COL21A1: variants seen among roughly 807,000 people sequenced by gnomAD.
COL21A1 encodes the protein collagen alpha-1(XXI) chain.
Under a neutral mutation model 137.9 loss-of-function variants are expected in COL21A1, and 149 were observed. The ratio of observed to expected loss-of-function variants is 1.08; its 90% CI spans 0.95 to 1.24. The LOEUF is 1.24. Ranked by LOEUF, COL21A1 falls within the 50% of genes most tolerant of loss-of-function variation. The pLI is 0.00. For missense variants in COL21A1, 1,167 were observed against 1,158.4 expected, an observed-to-expected ratio of 1.01 and a Z score of -0.11; for synonymous variants, 456 against 391.5, an observed-to-expected ratio of 1.16 and a Z score of -1.95.
In COL21A1 at chr6:56,178,788, TATAAAC is replaced by T. The variant is rs1365952797; in HGVS notation, c.640+784_640+789del. On this transcript the variant is annotated intron_variant, in intron 3 of 29. Transcript: ENST00000244728. ...CATGAAGTTAGATTTTATGAAATGA[TATAAAC>T]ATAATTAATAAACTGTTATTTTCAA... Among the ~76,000 whole-genome samples, 18 of 152,240 alleles carry T rather than the reference TATAAAC, an allele frequency of 1.2e-4. No homozygotes were observed. In the South Asian group the frequency reaches 3.5e-3, roughly 30 times the overall value.
chr6:56,198,050 A>C (rs1779146618), intron 1 of COL21A1, among the ~76,000 whole-genome samples: 1 of 152,146 alleles, frequency 6.6e-6, no homozygotes, highest in Admixed American at 6.6e-5. Flanking sequence ...TTACAAAAAA[A>C]GGAAATCCTC....
At chr6:56,097,917 A>ATAAATATATAAATATATAAATATATG (rs1457963803) in intron 17 of COL21A1, among the ~76,000 whole-genome samples, 804 of 26,444 alleles carry the variant, frequency 0.03, 25 homozygotes, top group African/African-American at 0.077. Flanking sequence ...ATAAATATAT[A>ATAAATATATAAATATATAAATATATG]TAAATATATA....
At chr6:56,251,415 C>T (rs1046582017), upstream of COL21A1, among the ~76,000 whole-genome samples, 1 of 152,058 alleles carries the variant, frequency 6.6e-6, no homozygotes, top group Non-Finnish European at 1.5e-5. Context: ...AAATATTTAT[C>T]GAATGAATAC....
At chr6:56,124,625 A>ATTT (rs376945703) in intron 14 of COL21A1, among the ~76,000 whole-genome samples, 18 of 101,782 alleles carry the variant, frequency 1.8e-4, no homozygotes, top group East Asian at 3.9e-4. Context: ...TTCAGTGGAC[A>ATTT]TGTTTTTTGT....
At position 56,206,212 on chromosome 6, in the gene COL21A1, C is replaced by G. The variant is rs564881400; in HGVS notation, c.-38-23556G>C. 6.6e-5 allele frequency among the ~76,000 whole-genome samples: 10 copies of G among 151,742 alleles called. No individual in the cohort carries two copies. The South Asian group carries it at 2.1e-3, about 32-fold the overall frequency. ...GCAAATTGGATAAAGAGTCAAGACC[C>G]ATCAGTGTGCTGTATCCAGGAGATC... On this transcript the variant is annotated intron_variant, in intron 1 of 29. Coordinates refer to ENST00000244728, the MANE Select transcript of COL21A1 (RefSeq NM_030820.4).
intron 1 of COL21A1, among the ~76,000 whole-genome samples, chr6:56,210,026 G>A (rs927799580): frequency 6.6e-6 from 1 of 150,750 alleles, no homozygotes; most frequent in South Asian, 2.1e-4. Flanking sequence ...CAAACACCAC[G>A]TGTTCTCACT....
At chr6:56,331,329 A>C (rs1765219290) in intron 1 of COL21A1, among the ~76,000 whole-genome samples, 1 of 150,504 alleles carries the variant, frequency 6.6e-6, no homozygotes, top group Non-Finnish European at 1.5e-5. Flanking sequence ...TTTCTTTTTT[A>C]GGTCTTTGTC....
chr6:56,074,024 C>A (rs1391309033), intron 20 of COL21A1, among the ~76,000 whole-genome samples: 1 of 151,358 alleles, frequency 6.6e-6, no homozygotes, highest in Non-Finnish European at 1.5e-5. Flanking sequence ...AGATTCTGGA[C>A]CCTTTCCAAC....
At chr6:56,314,433 T>C (rs1056676805) in intron 1 of COL21A1, among the ~76,000 whole-genome samples, 2 of 152,140 alleles carry the variant, frequency 1.3e-5, no homozygotes, top group African/African-American at 4.8e-5. Context: ...CCTCTTCCCA[T>C]TGAGTAAGTC....
At chr6:56,114,896 C>A (rs1771778495) in intron 16 of COL21A1, among the ~76,000 whole-genome samples, 1 of 146,802 alleles carries the variant, frequency 6.8e-6, no homozygotes, top group African/African-American at 2.5e-5. Flanking sequence ...TGGCATTATT[C>A]ACAATAGCAA....
At chr6:56,384,863 G>A (rs531653801) in intron 1 of COL21A1, among the ~76,000 whole-genome samples, 1 of 152,330 alleles carries the variant, frequency 6.6e-6, no homozygotes, top group African/African-American at 2.4e-5. Context: ...GAGGGAGGAT[G>A]TGGTATAGGT....
At chr6:56,298,732 G>C (rs751331064) in intron 1 of COL21A1, among the ~76,000 whole-genome samples, 1 of 152,116 alleles carries the variant, frequency 6.6e-6, no homozygotes, top group East Asian at 1.9e-4. Context: ...GCTCAGCACA[G>C]CTATAAACAT....
chr6:56,332,423 C>T (rs971816221), intron 1 of COL21A1, among the ~76,000 whole-genome samples: 2 of 150,796 alleles, frequency 1.3e-5, no homozygotes, highest in African/African-American at 2.4e-5. Flanking sequence ...TTCAGAAGTG[C>T]GTTCAAAAAA....
intron 1 of COL21A1, among the ~76,000 whole-genome samples, chr6:56,329,935 C>T (rs1167799820): frequency 1.3e-5 from 2 of 152,062 alleles, no homozygotes; most frequent in East Asian, 3.9e-4. Context: ...AAGACTCTTA[C>T]TAAGTTTTCT....
chr6:56,216,652 G>A (rs16887677), intron 1 of COL21A1, among the ~76,000 whole-genome samples: 2,615 of 152,094 alleles, frequency 0.017, 75 homozygotes, highest in African/African-American at 0.06. Context: ...AACATTATTC[G>A]CAGCCTCTGA....
At chr6:56,064,202 A>G (rs1046240232) in intron 24 of COL21A1, among the ~76,000 whole-genome samples, 3 of 152,052 alleles carry the variant, frequency 2.0e-5, no homozygotes, top group Non-Finnish European at 4.4e-5. Context: ...TGTGGCCCCA[A>G]CTGATTTTCA....
rs9475615 is a variant in COL21A1 at position 56,199,075 on chromosome 6, G to A, written c.-38-16419C>T. On this transcript the variant is annotated intron_variant, in intron 1 of 29. Coordinates refer to ENST00000244728, the MANE Select transcript of COL21A1 (RefSeq NM_030820.4). ...TGAGAAATGCTACCACAGAGACAGA[G>A]GTACAGTGCTGCAATTCACCTGCAG... Among the ~76,000 whole-genome samples the A allele has an allele frequency of 7.0e-3, 1,068 of 152,048 alleles. 16 individuals carry two copies. The highest frequency in any genetic ancestry group is 0.024 in the African/African-American group (1,009 of 41,486).
At chr6:56,324,278 T>C (rs115675362) in intron 1 of COL21A1, among the ~76,000 whole-genome samples, 1 of 152,236 alleles carries the variant, frequency 6.6e-6, no homozygotes, top group Non-Finnish European at 1.5e-5. Flanking sequence ...GGGACTCAGA[T>C]AGAAACTTGC....
At chr6:56,232,351 A>G (rs922518539) in intron 1 of COL21A1, among the ~76,000 whole-genome samples, 1 of 152,038 alleles carries the variant, frequency 6.6e-6, no homozygotes, top group East Asian at 1.9e-4. Context: ...AAACTCTGCT[A>G]TGTTAGACTA....
Sources: gnomAD v4.1 joint callset for allele counts (sites outside exome capture counted in the v4.1 genomes callset) on GRCh38, gnomAD v4.1.1 for gene constraint, MANE v1.5 for transcripts, NCBI Gene and HGNC (gene_info 2026-07-23, HGNC 2026-07-21) for gene names.